Variants in LINGO2 observed in about 807,000 individuals in gnomAD.
The protein encoded by LINGO2 is leucine-rich repeat and immunoglobulin-like domain-containing nogo receptor-interacting protein 2.
In LINGO2, 14 loss-of-function variants were observed where a neutral mutation model predicts 30.6. The ratio of observed to expected loss-of-function variants is 0.46; its 90% CI spans 0.30 to 0.72. The LOEUF is 0.72. Among genes scored for constraint, LINGO2 ranks in the 30% least tolerant of loss-of-function variants. The pLI, the probability that LINGO2 is intolerant of heterozygous loss-of-function variation, is 0.07. For synonymous variants in LINGO2, 317 were observed against 288.5 expected (o/e 1.10, Z -1.00); for missense variants, 729 against 751.7 (o/e 0.97, Z 0.35).
intron 4 of LINGO2, among the ~76,000 whole-genome samples, chr9:28,168,643 G>T (rs1433139924): frequency 1.3e-5 from 2 of 152,234 alleles, no homozygotes; most frequent in Non-Finnish European, 2.9e-5. Context: ...TTTGTGCAGA[G>T]CCATGTGTAT....
chr9:28,604,141 C>CTACCCAAACTCACTGTGGTGA (rs753250284), intron 1 of LINGO2, among the ~76,000 whole-genome samples: 41 of 152,076 alleles, frequency 2.7e-4, no homozygotes, highest in Non-Finnish European at 4.6e-4. Flanking sequence ...TAACAATGTG[C>CTACCCAAACTCACTGTGGTGA]TACCCAAACT....
intron 1 of LINGO2, among the ~76,000 whole-genome samples, chr9:28,626,997 C>T (rs1447416181): frequency 1.3e-5 from 2 of 151,910 alleles, no homozygotes; most frequent in African/African-American, 4.8e-5. Context: ...GGCTACATCA[C>T]ATTTTCCTGC....
the LINGO2 span, among the ~76,000 whole-genome samples, chr9:28,706,028 T>TTAA: frequency 6.6e-6 from 1 of 152,230 alleles, no homozygotes; most frequent in Middle Eastern, 3.4e-3. Flanking sequence ...CACTCCAGCT[T>TTAA]TTCAGACAAT....
intron 4 of LINGO2, among the ~76,000 whole-genome samples, chr9:28,289,185 A>C (rs1823627787): frequency 6.6e-6 from 1 of 152,206 alleles, no homozygotes; most frequent in African/African-American, 2.4e-5. Flanking sequence ...AAATAATGTG[A>C]CTGCCATTCA....
intron 4 of LINGO2, among the ~76,000 whole-genome samples, chr9:28,178,012 T>C (rs905499398): frequency 6.6e-6 from 1 of 152,212 alleles, no homozygotes; most frequent in South Asian, 2.1e-4. Context: ...CATGAATCTA[T>C]GCAAATAGAG....
intron 4 of LINGO2, among the ~76,000 whole-genome samples, chr9:28,023,385 T>C (rs1444144660): frequency 6.6e-5 from 10 of 152,182 alleles, no homozygotes; most frequent in African/African-American, 2.4e-4. Flanking sequence ...CAAATTCCTG[T>C]AATATCCTTG....
At chr9:29,073,790 T>C in the LINGO2 span, among the ~76,000 whole-genome samples, 1 of 152,188 alleles carries the variant, frequency 6.6e-6, no homozygotes, top group Non-Finnish European at 1.5e-5. Flanking sequence ...AAAAAGCTTC[T>C]TGAAATCAAT....
chr9:28,864,965 T>C, the LINGO2 span, among the ~76,000 whole-genome samples: 2 of 152,078 alleles, frequency 1.3e-5, no homozygotes, highest in African/African-American at 2.4e-5. Context: ...AGTTTCCATA[T>C]AGGGCTAATG....
intron 4 of LINGO2, among the ~76,000 whole-genome samples, chr9:28,168,521 A>G (rs1316629884): frequency 6.6e-6 from 1 of 152,240 alleles, no homozygotes; most frequent in Non-Finnish European, 1.5e-5. Context: ...CTTTCATAAC[A>G]GGTGTTATTG....
At chr9:28,388,630 G>T (rs557492391) in intron 2 of LINGO2, among the ~76,000 whole-genome samples, 20 of 152,084 alleles carry the variant, frequency 1.3e-4, no homozygotes, top group African/African-American at 4.1e-4. Flanking sequence ...ATTTTAATAT[G>T]TATGTCCCTC....
intron 2 of LINGO2, among the ~76,000 whole-genome samples, chr9:28,425,027 T>A (rs1235604876): frequency 1.3e-5 from 2 of 152,156 alleles, no homozygotes; most frequent in South Asian, 2.1e-4. Flanking sequence ...ATGTCTCATG[T>A]ACAGTAGGTC....
intron 3 of LINGO2, among the ~76,000 whole-genome samples, chr9:28,332,184 T>C (rs1309476079): frequency 6.6e-5 from 10 of 152,056 alleles, no homozygotes; most frequent in Non-Finnish European, 1.5e-5. Context: ...AATCTCTTTT[T>C]AGAATTTTTT....
chr9:28,668,600 G>A (rs1285730037), intron 1 of LINGO2, among the ~76,000 whole-genome samples: 1 of 151,396 alleles, frequency 6.6e-6, no homozygotes, highest in African/African-American at 2.4e-5. Context: ...AAAACAACTA[G>A]TGTCCATTGG....
intron 5 of LINGO2, among the ~76,000 whole-genome samples, chr9:27,981,674 C>A (rs1354520836): frequency 6.6e-6 from 1 of 151,148 alleles, no homozygotes; most frequent in African/African-American, 2.4e-5. Context: ...ATTGAGAGAG[C>A]AGATCTTCAT....
chr9:28,885,331 C>T, the LINGO2 span, among the ~76,000 whole-genome samples: 1 of 128,506 alleles, frequency 7.8e-6, no homozygotes, highest in African/African-American at 2.8e-5. Flanking sequence ...GGCTGGACTC[C>T]CTGGAAGCAG....
intron 4 of LINGO2, among the ~76,000 whole-genome samples, chr9:28,134,263 GAGAA>G (rs1199412824): frequency 2.0e-5 from 3 of 152,100 alleles, no homozygotes; most frequent in Admixed American, 6.5e-5. Context: ...TAAAAATATA[GAGAA>G]AGAGAGACAG....
chr9:29,056,258 A>T, the LINGO2 span, among the ~76,000 whole-genome samples: 1 of 152,014 alleles, frequency 6.6e-6, no homozygotes, highest in Non-Finnish European at 1.5e-5. Flanking sequence ...CCACGCCAGC[A>T]TCTATTATTT....
At chr9:28,961,088 A>C in the LINGO2 span, among the ~76,000 whole-genome samples, 3 of 152,182 alleles carry the variant, frequency 2.0e-5, no homozygotes, top group Non-Finnish European at 4.4e-5. Flanking sequence ...AGAAGCATTC[A>C]GACATTGGTA....
intron 5 of LINGO2, among the ~76,000 whole-genome samples, chr9:27,995,099 G>A (rs143670074): frequency 6.6e-4 from 101 of 152,250 alleles, no homozygotes; most frequent in African/African-American, 2.3e-3. Flanking sequence ...AATCATTAGA[G>A]AATCGTGTGC....
Sources: gnomAD v4.1 joint callset for allele counts (sites outside exome capture counted in the v4.1 genomes callset) on GRCh38, gnomAD v4.1.1 for gene constraint, MANE v1.5 for transcripts, NCBI Gene and HGNC (gene_info 2026-07-23, HGNC 2026-07-21) for gene names.